The following TMEM127 variants were observed in gnomAD, a reference collection of about 807,000 sequenced individuals.
The protein encoded by TMEM127 is transmembrane protein 127.
A neutral mutation model predicts 20.1 loss-of-function variants in TMEM127; 21 were observed. The observed-to-expected ratio is 1.04, with a 90% CI of 0.74 to 1.50. The LOEUF is 1.50. TMEM127 is among the 40% of genes most tolerant of loss of function. TMEM127 has a pLI of 0.00. For synonymous variants in TMEM127, 150 were observed against 144.7 expected (o/e 1.04, Z -0.26); for missense variants, 303 against 317.4 (o/e 0.95, Z 0.34).
At chr2:96,265,756 G>C (rs1378724959) in intron 1 of TMEM127, 113 bp downstream of exon 1, 1 of 220,216 alleles carries the variant, frequency 4.5e-6, no homozygotes. Context: ...ATGCCGAGGG[G>C]CGGAGGACCG....
At chr2:96,256,055 G>A (rs1004214635) in intron 2 of TMEM127, among the ~76,000 whole-genome samples, 5 of 149,750 alleles carry the variant, frequency 3.3e-5, no homozygotes, top group East Asian at 2.0e-4. Flanking sequence ...GGCAGATCAC[G>A]AGGTCAGAAG....
Position 96,251,275 on chromosome 2 carries a change from T to C in TMEM127, c.*2533A>G, listed in dbSNP as rs1377070248. 4.9e-6 allele frequency: 1 copy of C among 202,946 alleles called. No individual in the cohort carries two copies. The highest frequency in any genetic ancestry group is 6.0e-5 in the Admixed American group (1 of 16,692). The allele number at this position is 202,946 out of a possible 1,614,324, so 12.6% of individuals were successfully genotyped here. A position where few individuals can be genotyped will look rare whatever the true frequency, so the allele number is the denominator to read the frequency against. The stretch of plus-strand genomic sequence containing the variant: ...GTTCATGCCTATAATCCCAGCACTT[T>C]GGGAGGCCAAGGTGGGTGGATAACC... On this transcript the variant is annotated 3_prime_UTR_variant, in exon 4 of 4. Coordinates refer to ENST00000258439, the MANE Select transcript of TMEM127 (RefSeq NM_017849.4).
At chr2:96,263,111 G>A (rs1419702470) in intron 2 of TMEM127, among the ~76,000 whole-genome samples, 3 of 151,516 alleles carry the variant, frequency 2.0e-5, no homozygotes, top group African/African-American at 7.3e-5. Context: ...GAGTGCAGTG[G>A]TGTGATCTTG....
Position 96,249,091 on chromosome 2 carries a change from G to GTGGT in TMEM127, c.*4716_*4717insACCA, listed in dbSNP as rs1553436044. ...GTGAGGAACCTGTGTGTGTGTGTGTGGTGTGTGTGTGTGTGTGTGTGTGTG... is the reference window on the plus strand; with the variant it reads ...GTGAGGAACCTGTGTGTGTGTGTGTGTGGTGTGTGTGTGTGTGTGTGTGTGTGTG... On this transcript the variant is annotated 3_prime_UTR_variant, in exon 4 of 4. Transcript: ENST00000258439. 43 of 220,200 alleles carry GTGGT rather than the reference G, an allele frequency of 2.0e-4. No individual in the cohort carries two copies. Among genetic ancestry groups the GTGGT allele is most frequent in the South Asian group, 1.7e-3 (9 of 5,258 alleles). The allele number at this position is 220,200 out of a possible 1,614,324, so 13.6% of individuals were successfully genotyped here.
intron 2 of TMEM127, among the ~76,000 whole-genome samples, chr2:96,262,456 G>A (rs1181178145): frequency 1.3e-5 from 2 of 152,102 alleles, no homozygotes; most frequent in Non-Finnish European, 2.9e-5. Context: ...AAAGAAAAGG[G>A]AGAGAAGATG....
At chr2:96,265,683 C>T (rs1004549804) in intron 1 of TMEM127, among the ~76,000 whole-genome samples, 171 bp from the exon 2 acceptor site, 1 of 148,456 alleles carries the variant, frequency 6.7e-6, no homozygotes, top group African/African-American at 2.5e-5. Flanking sequence ...GAGTGGGGGG[C>T]GGAGGGATCG....
chr2:96,263,003 G>A (rs1033225413), intron 2 of TMEM127, among the ~76,000 whole-genome samples: 1 of 151,200 alleles, frequency 6.6e-6, no homozygotes, highest in African/African-American at 2.4e-5. Flanking sequence ...TCTTAGAAAG[G>A]GTAAATACAC....
intron 2 of TMEM127, among the ~76,000 whole-genome samples, chr2:96,258,601 T>G (rs905179541): frequency 6.6e-6 from 1 of 152,214 alleles, no homozygotes; most frequent in Admixed American, 6.5e-5. Context: ...CCTGGGTAAC[T>G]GTCTACTGCC....
chr2:96,253,378 T>C lies in TMEM127; in HGVS notation c.*430A>G, dbSNP rs1684131493. ...GGGGGCGTCAGCCCAGAGCTACAGC[T>C]GTGGAGCAAACACTGATCCCTGTGA... On this transcript the variant is annotated 3_prime_UTR_variant, in exon 4 of 4. Transcript: ENST00000258439. This position sits in a 1 kb window ranked among gnomAD's most constrained non-coding sequence, Gnocchi z 4.3. 1 of 258,382 alleles carries C rather than the reference T, an allele frequency of 3.9e-6. No individual in the cohort carries two copies. The highest frequency in any genetic ancestry group is 7.5e-6 in the Non-Finnish European group (1 of 132,624). 16.0% of individuals were successfully genotyped at this position (258,382 alleles called of 1,614,324 possible).
At position 96,254,002 on chromosome 2, in the gene TMEM127, C is replaced by T. The variant is rs149034651; in HGVS notation, c.523G>A (p.Val175Ile). ...GCTCCTGCCACCAGGTAGAAGCTAA[C>T]GGCGAAGGTGACATAGACCTGGGAT... ...HGSQVYVTFA[V>I]SFYLVAGAGG... is the part of the protein sequence containing the mutation. Residue 175 changes from valine (V) to isoleucine (I), a missense_variant, in exon 4 of 4, where the codon GTT (valine) becomes ATT (isoleucine). Transcript: ENST00000258439. The T allele has an allele frequency of 2.1e-5, 34 of 1,614,044 alleles. No individual in the cohort carries two copies. The highest frequency in any genetic ancestry group is 6.6e-5 in the South Asian group (6 of 91,084).
intron 2 of TMEM127, among the ~76,000 whole-genome samples, chr2:96,261,276 CTT>C (rs912308390): frequency 6.7e-4 from 94 of 140,310 alleles, no homozygotes; most frequent in Non-Finnish European, 6.7e-4. Context: ...AGGATGAGGT[CTT>C]TTTTTTTTTT....
At chr2:96,259,945 C>T (rs1008493216) in intron 2 of TMEM127, among the ~76,000 whole-genome samples, 2 of 152,218 alleles carry the variant, frequency 1.3e-5, no homozygotes, top group East Asian at 1.9e-4. Context: ...CACACGTCAG[C>T]CCGTGTGGAC....
In TMEM127 at chr2:96,261,297, G is replaced by A. The variant is rs943731666; in HGVS notation, c.244+3841C>T. Among the ~76,000 whole-genome samples, 71 of 150,714 alleles carry A rather than the reference G, an allele frequency of 4.7e-4. 1 individual carries two copies. The highest frequency in any genetic ancestry group is 7.8e-4 in the Non-Finnish European group (53 of 67,760). The stretch of plus-strand genomic sequence containing the variant: ...AGGTCTTTTTTTTTTTTTTTTAAAG[G>A]AAGGGTCTCACTCTGTCACCCAGGC... On this transcript the variant is annotated intron_variant, in intron 2 of 3. Coordinates refer to ENST00000258439, the MANE Select transcript of TMEM127 (RefSeq NM_017849.4).
intron 2 of TMEM127, among the ~76,000 whole-genome samples, chr2:96,260,781 C>T (rs925003410): frequency 6.6e-6 from 1 of 152,236 alleles, no homozygotes; most frequent in African/African-American, 2.4e-5. Flanking sequence ...ATTAGAGACA[C>T]TTCCCCAATG....
intron 2 of TMEM127, among the ~76,000 whole-genome samples, chr2:96,256,567 G>A (rs1234963026): frequency 8.0e-6 from 1 of 124,796 alleles, no homozygotes; most frequent in African/African-American, 3.1e-5. Flanking sequence ...GAGAAACTCT[G>A]TCTCAAAAAA....
At chr2:96,261,845 C>T (rs1282441468) in intron 2 of TMEM127, among the ~76,000 whole-genome samples, 1 of 152,132 alleles carries the variant, frequency 6.6e-6, no homozygotes, top group Non-Finnish European at 1.5e-5. Context: ...GTGTGCTTAG[C>T]ATAATGTCAA....
intron 2 of TMEM127, among the ~76,000 whole-genome samples, chr2:96,261,339 G>A (rs957353960): frequency 5.3e-5 from 8 of 151,444 alleles, no homozygotes; most frequent in African/African-American, 1.2e-4. Context: ...GCAGAGGCAC[G>A]ACGATAGTTC....
intron 2 of TMEM127, 33 bp from the exon 3 acceptor site, chr2:96,255,030 A>T: frequency 6.2e-7 from 1 of 1,613,518 alleles, no homozygotes. Context: ...TCACGGCCCC[A>T]AGTAACACTT....
intron 2 of TMEM127, among the ~76,000 whole-genome samples, chr2:96,263,899 A>G (rs1011215666): frequency 3.3e-5 from 5 of 152,220 alleles, no homozygotes; most frequent in African/African-American, 1.2e-4. Context: ...ACTCAAGCTT[A>G]ATGCTCTTTG....
Sources: allele counts gnomAD v4.1 joint callset (sites outside exome capture counted in the v4.1 genomes callset), GRCh38; gene constraint gnomAD v4.1.1; non-coding constraint Gnocchi (gnomAD v3.1); transcripts MANE v1.5; gene names NCBI Gene and HGNC (gene_info 2026-07-23, HGNC 2026-07-21).